The following AGBL4 variants were observed in gnomAD, a reference collection of about 807,000 sequenced individuals.
AGBL4 encodes the protein cytosolic carboxypeptidase 6.
AGBL4 carries 58 observed loss-of-function variants against 66.4 expected under a neutral mutation model. The ratio of observed to expected loss-of-function variants is 0.87; its 90% CI spans 0.71 to 1.09. The LOEUF (loss-of-function observed/expected upper bound fraction) is 1.09, where lower values mean the gene tolerates loss of function less well. AGBL4 is among the 50% of genes least tolerant of loss of function. The pLI is 0.00. For missense variants in AGBL4, 579 were observed against 631.0 expected, an observed-to-expected ratio of 0.92 and a Z score of 0.88; for synonymous variants, 234 against 222.9, an observed-to-expected ratio of 1.05 and a Z score of -0.44.
intron 6 of AGBL4, among the ~76,000 whole-genome samples, chr1:48,839,785 C>T (rs575929675): frequency 4.7e-4 from 71 of 152,268 alleles, no homozygotes; most frequent in African/African-American, 1.4e-4. Flanking sequence ...ATACAGTGCT[C>T]GTCCTGGTTC....
intron 1 of AGBL4, among the ~76,000 whole-genome samples, chr1:49,882,619 G>C (rs992234484): frequency 6.6e-6 from 1 of 152,068 alleles, no homozygotes; most frequent in African/African-American, 2.4e-5. Flanking sequence ...TTGTAAGTTG[G>C]ATTCCTAGGT....
chr1:49,179,351 G>A (rs1229267965), intron 4 of AGBL4, among the ~76,000 whole-genome samples: 1 of 151,770 alleles, frequency 6.6e-6, no homozygotes, highest in Non-Finnish European at 1.5e-5. Context: ...ATATATAGGG[G>A]GTTATAAAAG....
chr1:48,962,410 T>C (rs1658076027), intron 5 of AGBL4, among the ~76,000 whole-genome samples: 1 of 152,198 alleles, frequency 6.6e-6, no homozygotes. Context: ...ATGGAAGAGC[T>C]GGCATTGGGG....
At chr1:49,563,909 G>T (rs1000544209) in intron 3 of AGBL4, among the ~76,000 whole-genome samples, 1 of 152,120 alleles carries the variant, frequency 6.6e-6, no homozygotes, top group African/African-American at 2.4e-5. Context: ...TGTACCTCTG[G>T]TAGAATTTGG....
chr1:48,630,805 C>T (rs1645581164), intron 9 of AGBL4, among the ~76,000 whole-genome samples: 2 of 152,192 alleles, frequency 1.3e-5, no homozygotes, highest in East Asian at 3.9e-4. Context: ...CCCCTGGTAA[C>T]AGCCACACTG....
chr1:48,616,614 A>G (rs1370471747), intron 9 of AGBL4, among the ~76,000 whole-genome samples: 3 of 152,188 alleles, frequency 2.0e-5, no homozygotes, highest in African/African-American at 7.2e-5. Flanking sequence ...TGGGAAAAAT[A>G]AGACTACTTT....
chr1:49,498,377 T>C (rs1407562805), intron 3 of AGBL4, among the ~76,000 whole-genome samples: 1 of 151,846 alleles, frequency 6.6e-6, no homozygotes, highest in African/African-American at 2.4e-5. Flanking sequence ...CCTAATTGCT[T>C]GGACTTCCAG....
chr1:48,619,194 G>A (rs918430688), intron 9 of AGBL4, among the ~76,000 whole-genome samples: 1 of 152,138 alleles, frequency 6.6e-6, no homozygotes, highest in Non-Finnish European at 1.5e-5. Flanking sequence ...CATTTGTTCT[G>A]CCATTCATCT....
chr1:48,890,785 T>C (rs895218881), intron 5 of AGBL4, among the ~76,000 whole-genome samples: 1 of 152,196 alleles, frequency 6.6e-6, no homozygotes, highest in Non-Finnish European at 1.5e-5. Context: ...TGGTATTTCA[T>C]GGATACTTGC....
At chr1:49,782,475 TC>T (rs1293222399) in intron 2 of AGBL4, among the ~76,000 whole-genome samples, 1 of 152,178 alleles carries the variant, frequency 6.6e-6, no homozygotes, top group Non-Finnish European at 1.5e-5. Flanking sequence ...AACATTTCTG[TC>T]CCTCCCAAAA....
intron 6 of AGBL4, among the ~76,000 whole-genome samples, chr1:48,845,163 T>C (rs763930489): frequency 6.6e-6 from 1 of 151,992 alleles, no homozygotes; most frequent in Middle Eastern, 3.4e-3. Context: ...GTCAAAGCTA[T>C]GTTGATCAAA....
chr1:49,672,551 A>T (rs1418341989), intron 3 of AGBL4, among the ~76,000 whole-genome samples: 5 of 150,278 alleles, frequency 3.3e-5, no homozygotes, highest in Non-Finnish European at 7.4e-5. Context: ...GAAAGAAATA[A>T]TAAAAATCAG....
At chr1:48,623,013 C>T (rs780959746) in intron 9 of AGBL4, among the ~76,000 whole-genome samples, 10 of 152,162 alleles carry the variant, frequency 6.6e-5, no homozygotes, top group Admixed American at 1.3e-4. Context: ...AGCTCTTAAC[C>T]ACAAACTTAT....
the AGBL4 span, among the ~76,000 whole-genome samples, chr1:48,524,765 G>T: frequency 5.1e-3 from 776 of 151,782 alleles, 2 homozygotes; most frequent in South Asian, 0.011. Flanking sequence ...TCACATAATG[G>T]TAGCACACAC....
At chr1:49,602,632 A>G (rs1644981714) in intron 3 of AGBL4, among the ~76,000 whole-genome samples, 1 of 151,792 alleles carries the variant, frequency 6.6e-6, no homozygotes, top group Non-Finnish European at 1.5e-5. Flanking sequence ...CATAGGTGGG[A>G]GCTGGACAAT....
At chr1:49,163,302 ATGT>A (rs140780309) in intron 4 of AGBL4, among the ~76,000 whole-genome samples, 5,033 of 152,302 alleles carry the variant, frequency 0.033, 109 homozygotes, top group Non-Finnish European at 0.049. Flanking sequence ...CAAGCTTATA[ATGT>A]TGTAAAAATC....
At chr1:48,554,321 G>C (rs1644291232) in intron 11 of AGBL4, among the ~76,000 whole-genome samples, 1 of 152,158 alleles carries the variant, frequency 6.6e-6, no homozygotes, top group Admixed American at 6.5e-5. Context: ...ACCAAATGCT[G>C]TATGCCTTGG....
At chr1:49,635,180 G>T (rs183810773) in intron 3 of AGBL4, among the ~76,000 whole-genome samples, 16 of 152,244 alleles carry the variant, frequency 1.1e-4, no homozygotes, top group African/African-American at 7.2e-5. Context: ...CGTGGCATTT[G>T]CTGAGTTCTA....
At chr1:48,525,317 C>T in the AGBL4 span, among the ~76,000 whole-genome samples, 1 of 152,078 alleles carries the variant, frequency 6.6e-6, no homozygotes, top group Non-Finnish European at 1.5e-5. Context: ...GCCAGTGCAC[C>T]AGGAAAGACT....
Sources: gnomAD v4.1 joint callset for allele counts (sites outside exome capture counted in the v4.1 genomes callset) on GRCh38, gnomAD v4.1.1 for gene constraint, MANE v1.5 for transcripts, NCBI Gene and HGNC (gene_info 2026-07-23, HGNC 2026-07-21) for gene names.